HECW1: variants seen among roughly 807,000 people sequenced by gnomAD.
HECW1 encodes the protein E3 ubiquitin-protein ligase HECW1.
HECW1 carries 61 observed loss-of-function variants against 182.3 expected under a neutral mutation model. The observed-to-expected ratio is 0.33, with a 90% CI of 0.27 to 0.41. The LOEUF (loss-of-function observed/expected upper bound fraction) is 0.41, where lower values mean the gene tolerates loss of function less well. Ranked by LOEUF, HECW1 falls within the 10% of genes least tolerant of loss-of-function variation. HECW1 has a pLI of 1.00. For missense variants in HECW1, 1,739 were observed against 2,108.9 expected, an observed-to-expected ratio of 0.82 and a Z score of 3.44; for synonymous variants, 859 against 832.6, an observed-to-expected ratio of 1.03 and a Z score of -0.55.
chr7:43,127,939 C>T (rs190465663), intron 2 of HECW1, among the ~76,000 whole-genome samples: 13 of 151,926 alleles, frequency 8.6e-5, no homozygotes, highest in Admixed American at 8.5e-4. Flanking sequence ...CATGTAGTAG[C>T]ATGATCACAG....
intron 19 of HECW1, among the ~76,000 whole-genome samples, chr7:43,497,961 C>T (rs927508109): frequency 6.6e-6 from 1 of 152,166 alleles, no homozygotes. Context: ...GAGGCAGTCG[C>T]CTGTCCTGTC....
At chr7:43,387,624 T>C (rs1410369291) in intron 6 of HECW1, among the ~76,000 whole-genome samples, 1 of 152,218 alleles carries the variant, frequency 6.6e-6, no homozygotes, top group Non-Finnish European at 1.5e-5. Context: ...TCATAGGTGT[T>C]AGACACAGAC....
intron 5 of HECW1, among the ~76,000 whole-genome samples, chr7:43,349,734 T>C (rs890461705): frequency 4.6e-5 from 7 of 152,198 alleles, no homozygotes; most frequent in African/African-American, 1.7e-4. Flanking sequence ...CTTTACTTTA[T>C]GTGAGTCCTT....
chr7:43,429,966 C>T (rs1324814535), intron 8 of HECW1, among the ~76,000 whole-genome samples: 1 of 152,218 alleles, frequency 6.6e-6, no homozygotes, highest in Non-Finnish European at 1.5e-5. Flanking sequence ...TATCTAATCT[C>T]CACTTCTAAT....
chr7:43,430,101 G>A (rs2076494805), intron 8 of HECW1, among the ~76,000 whole-genome samples: 1 of 152,212 alleles, frequency 6.6e-6, no homozygotes, highest in Non-Finnish European at 1.5e-5. Context: ...ATTTGTGAGT[G>A]TGCATAAATG....
chr7:43,518,677 A>C (rs1178438500), intron 24 of HECW1, among the ~76,000 whole-genome samples: 1 of 152,194 alleles, frequency 6.6e-6, no homozygotes, highest in African/African-American at 2.4e-5. Context: ...AAAAGAGGAG[A>C]TACAACCCTG....
intron 13 of HECW1, among the ~76,000 whole-genome samples, chr7:43,460,533 C>T (rs6463192): frequency 0.034 from 5,167 of 151,468 alleles, 271 homozygotes; most frequent in African/African-American, 0.12. Context: ...CGTGTGTGTG[C>T]GCGCGTGCGT....
chr7:43,197,649 G>A (rs921449878), intron 2 of HECW1, among the ~76,000 whole-genome samples: 2 of 152,144 alleles, frequency 1.3e-5, no homozygotes, highest in South Asian at 2.1e-4. Context: ...CTCATGGTAA[G>A]ACAAGGATCA....
intron 5 of HECW1, among the ~76,000 whole-genome samples, chr7:43,326,205 A>G (rs1467648091): frequency 1.3e-5 from 2 of 152,204 alleles, no homozygotes; most frequent in African/African-American, 4.8e-5. Flanking sequence ...TCATCATCCC[A>G]TATTTTAAAA....
At chr7:43,363,796 A>T (rs576370666) in intron 6 of HECW1, among the ~76,000 whole-genome samples, 1 of 152,328 alleles carries the variant, frequency 6.6e-6, no homozygotes, top group South Asian at 2.1e-4. Context: ...TGCCCAGCAC[A>T]TCTGTGGAGA....
intron 2 of HECW1, among the ~76,000 whole-genome samples, chr7:43,215,581 A>C (rs28609971): frequency 2.0e-5 from 3 of 152,226 alleles, no homozygotes; most frequent in Non-Finnish European, 4.4e-5. Flanking sequence ...TTATTAATAC[A>C]ATATCTATCC....
chr7:43,343,374 C>A (rs1322661414), intron 5 of HECW1, among the ~76,000 whole-genome samples: 1 of 151,480 alleles, frequency 6.6e-6, no homozygotes, highest in Admixed American at 6.6e-5. Flanking sequence ...CACCCATCAA[C>A]TCGTCATTTA....
intron 3 of HECW1, among the ~76,000 whole-genome samples, chr7:43,293,002 A>C (rs1486050145): frequency 6.6e-6 from 1 of 152,148 alleles, no homozygotes; most frequent in East Asian, 1.9e-4. Context: ...AGGCGGGTGG[A>C]TCATGAGGTC....
chr7:43,349,251 C>T (rs1189988587), intron 5 of HECW1, among the ~76,000 whole-genome samples: 1 of 152,180 alleles, frequency 6.6e-6, no homozygotes, highest in Admixed American at 6.5e-5. Flanking sequence ...TTAGGCCGGT[C>T]TCAAACTCCT....
At chr7:43,280,166 A>G (rs565450421) in intron 3 of HECW1, among the ~76,000 whole-genome samples, 1 of 152,310 alleles carries the variant, frequency 6.6e-6, no homozygotes, top group East Asian at 1.9e-4. Context: ...AAGGAGTCAG[A>G]TGCTCCAAGG....
At chr7:43,521,179 G>A (rs1222668684) in intron 24 of HECW1, among the ~76,000 whole-genome samples, 1 of 152,232 alleles carries the variant, frequency 6.6e-6, no homozygotes, top group Admixed American at 6.5e-5. Context: ...CCAACGTGAT[G>A]ATATTAAGAG....
chr7:43,136,464 A>G (rs934652592), intron 2 of HECW1, among the ~76,000 whole-genome samples: 2 of 152,186 alleles, frequency 1.3e-5, no homozygotes, highest in Non-Finnish European at 2.9e-5. Context: ...CTGGGCTGAA[A>G]TTACAGGGAG....
chr7:43,431,981 C>T (rs1017385719), intron 8 of HECW1, among the ~76,000 whole-genome samples: 4 of 151,892 alleles, frequency 2.6e-5, no homozygotes, highest in Admixed American at 6.6e-5. Context: ...GCACCTGCCA[C>T]CATGCCTGGC....
chr7:43,275,902 C>T lies in HECW1; in HGVS notation c.27+31970C>T, dbSNP rs77880657. Among the ~76,000 whole-genome samples the T allele has an allele frequency of 9.8e-3, 1,497 of 152,234 alleles. 26 individuals are homozygous for T. The highest frequency in any genetic ancestry group is 0.034 in the African/African-American group (1,422 of 41,534). ...GATTTATGGTGTTTTATAGTGTCAGCTCTTATTGAATTTTCTTACTAGATT... is the reference window on the plus strand; with the variant it reads ...GATTTATGGTGTTTTATAGTGTCAGTTCTTATTGAATTTTCTTACTAGATT... On this transcript the variant is annotated intron_variant, in intron 3 of 29. Coordinates refer to ENST00000395891, the MANE Select transcript of HECW1 (RefSeq NM_015052.5).
Sources: allele counts gnomAD v4.1 joint callset (sites outside exome capture counted in the v4.1 genomes callset), GRCh38; gene constraint gnomAD v4.1.1; transcripts MANE v1.5; gene names NCBI Gene and HGNC (gene_info 2026-07-23, HGNC 2026-07-21).